CDH13: variants seen among roughly 807,000 people sequenced by gnomAD.
CDH13 encodes the protein cadherin-13.
Under a neutral mutation model 63.8 loss-of-function variants are expected in CDH13, and 24 were observed. That is an observed-to-expected ratio of 0.38 (90% CI 0.27 to 0.53). CDH13 has a LOEUF of 0.53. Ranked by LOEUF, CDH13 falls within the 20% of genes least tolerant of loss-of-function variation. CDH13 has a pLI of 0.85. For missense variants in CDH13, 1,049 were observed against 903.1 expected (o/e 1.16, Z -2.07); for synonymous variants, 503 against 355.3 (o/e 1.42, Z -4.67).
intron 2 of CDH13, among the ~76,000 whole-genome samples, chr16:82,877,504 A>T (rs2040544142): frequency 6.6e-6 from 1 of 152,136 alleles, no homozygotes; most frequent in Admixed American, 6.5e-5. Flanking sequence ...GGTAGTTCAC[A>T]TTTGTTCCAT....
rs182895762 is a variant in CDH13, at chr16:83,139,892, C to T, written c.483+14391C>T. ...TGGTGCATGCCTGTAAGCCCAGCTA[C>T]TCTGGAGGCTGAGGCAGGAGAATTG... On this transcript the variant is annotated intron_variant, in intron 4 of 13. Coordinates refer to ENST00000567109, the MANE Select transcript of CDH13 (RefSeq NM_001257.5). 8.7e-4 allele frequency among the ~76,000 whole-genome samples: 133 copies of T among 152,164 alleles called. 1 individual carries two copies. In the East Asian group the frequency reaches 0.021, roughly 25 times the overall value.
At chr16:83,095,983 AGG>A (rs1347712223) in intron 3 of CDH13, among the ~76,000 whole-genome samples, 4 of 152,196 alleles carry the variant, frequency 2.6e-5, no homozygotes, top group African/African-American at 9.6e-5. Context: ...AATTTTTTAA[AGG>A]TTGAACATGT....
chr16:83,606,565 C>G (rs1908349664), intron 8 of CDH13, among the ~76,000 whole-genome samples: 1 of 151,666 alleles, frequency 6.6e-6, no homozygotes, highest in Non-Finnish European at 1.5e-5. Flanking sequence ...TGGTGAAACT[C>G]TGTCGCTACA....
At chr16:83,142,826 G>C (rs2036592163) in intron 4 of CDH13, among the ~76,000 whole-genome samples, 1 of 152,164 alleles carries the variant, frequency 6.6e-6, no homozygotes, top group African/African-American at 2.4e-5. Context: ...AAAGGGGCCG[G>C]GCGCAGTGGC....
intron 2 of CDH13, 78 bp downstream of exon 2, chr16:82,858,551 A>T (rs879798078): frequency 2.2e-6 from 2 of 925,692 alleles, no homozygotes; most frequent in Non-Finnish European, 3.5e-6. Context: ...GTGTCTCAGG[A>T]TGTGGTATTT....
At chr16:83,530,804 A>G (rs1016248193) in intron 7 of CDH13, among the ~76,000 whole-genome samples, 1 of 152,216 alleles carries the variant, frequency 6.6e-6, no homozygotes, top group African/African-American at 2.4e-5. Context: ...TGCCACCTCT[A>G]TGTTGAAATG....
chr16:83,790,592 A>G (rs956094110), intron 13 of CDH13, among the ~76,000 whole-genome samples: 1 of 152,120 alleles, frequency 6.6e-6, no homozygotes, highest in South Asian at 2.1e-4. Flanking sequence ...TTTAGTAGAC[A>G]TGGGGTTTCA....
intron 1 of CDH13, among the ~76,000 whole-genome samples, chr16:82,687,894 G>T (rs1915243146): frequency 1.3e-5 from 2 of 152,232 alleles, no homozygotes; most frequent in South Asian, 4.2e-4. Context: ...TGCTAAGTAA[G>T]GAGCTTCAAG....
intron 6 of CDH13, among the ~76,000 whole-genome samples, chr16:83,468,990 T>C (rs2073389022): frequency 6.6e-6 from 1 of 152,212 alleles, no homozygotes; most frequent in Non-Finnish European, 1.5e-5. Context: ...GCGAGTTGTA[T>C]AGGCTGCAGG....
chr16:82,724,707 G>A (rs575339401), intron 1 of CDH13, among the ~76,000 whole-genome samples: 18 of 152,308 alleles, frequency 1.2e-4, no homozygotes, highest in African/African-American at 4.3e-4. Flanking sequence ...GAAAGGTGCT[G>A]TGCAAAGTAG....
intron 5 of CDH13, among the ~76,000 whole-genome samples, chr16:83,332,974 C>T (rs1256358574): frequency 6.6e-6 from 1 of 152,100 alleles, no homozygotes; most frequent in African/African-American, 2.4e-5. Context: ...CTAAGCAGAG[C>T]AGGATTTTCA....
chr16:83,497,184 T>A (rs1229856674), intron 7 of CDH13, among the ~76,000 whole-genome samples: 1 of 152,084 alleles, frequency 6.6e-6, no homozygotes, highest in Non-Finnish European at 1.5e-5. Context: ...GGACTATAAA[T>A]CATGCTGCTA....
rs559905569 is a variant in CDH13 at position 83,481,459 on chromosome 16, G to A, written c.782-5018G>A. 1.6e-4 allele frequency among the ~76,000 whole-genome samples: 24 copies of A among 152,314 alleles called. No individual in the cohort carries two copies. The South Asian group carries it at 4.3e-3, about 28-fold the overall frequency. The stretch of plus-strand genomic sequence containing the variant: ...GCTCTCCTTTCTCAAGGGGTTGGCC[G>A]TGCTTGAAGTCACAGGAAAGCAAAA... On this transcript the variant is annotated intron_variant, in intron 6 of 13. Transcript: ENST00000567109.
chr16:83,490,291 G>C (rs2073984384), intron 7 of CDH13, among the ~76,000 whole-genome samples: 1 of 152,188 alleles, frequency 6.6e-6, no homozygotes, highest in African/African-American at 2.4e-5. Flanking sequence ...TGAGTGGGGA[G>C]GTGGCAGGCA....
intron 2 of CDH13, among the ~76,000 whole-genome samples, chr16:83,019,142 C>G (rs1915096993): frequency 6.6e-6 from 1 of 152,184 alleles, no homozygotes; most frequent in Non-Finnish European, 1.5e-5. Flanking sequence ...AATTTTTTAA[C>G]TTTTTGGCTC....
At chr16:83,502,570 C>T (rs1417952866) in intron 7 of CDH13, among the ~76,000 whole-genome samples, 1 of 151,994 alleles carries the variant, frequency 6.6e-6, no homozygotes, top group Non-Finnish European at 1.5e-5. Flanking sequence ...TGGATGTAAC[C>T]TTTTTTATAT....
At chr16:83,065,352 G>T (rs1306199029) in intron 3 of CDH13, among the ~76,000 whole-genome samples, 2 of 152,148 alleles carry the variant, frequency 1.3e-5, no homozygotes, top group Admixed American at 6.6e-5. Context: ...GTACAAAGAT[G>T]GGTAAGATGG....
At chr16:83,185,991 C>T (rs1229740897) in intron 4 of CDH13, among the ~76,000 whole-genome samples, 1 of 151,996 alleles carries the variant, frequency 6.6e-6, no homozygotes, top group Non-Finnish European at 1.5e-5. Flanking sequence ...GAAATTATAC[C>T]TTAGAGGAGA....
chr16:83,008,232 A>G (rs1913748924), intron 2 of CDH13, among the ~76,000 whole-genome samples: 1 of 152,260 alleles, frequency 6.6e-6, no homozygotes, highest in African/African-American at 2.4e-5. Flanking sequence ...CTAAGGAGAA[A>G]AAAAATAGCA....
Sources: allele counts gnomAD v4.1 joint callset (sites outside exome capture counted in the v4.1 genomes callset), GRCh38; gene constraint gnomAD v4.1.1; transcripts MANE v1.5; gene names NCBI Gene and HGNC (gene_info 2026-07-23, HGNC 2026-07-21).